The following CTNNA3 variants were observed in gnomAD, a reference collection of about 807,000 sequenced individuals.
CTNNA3 encodes catenin alpha 3, also known as catenin alpha-3.
A neutral mutation model predicts 95.7 loss-of-function variants in CTNNA3; 76 were observed. The observed-to-expected ratio is 0.79, with a 90% confidence interval of 0.66 to 0.96. The LOEUF (loss-of-function observed/expected upper bound fraction) is 0.96. Among genes scored for constraint, CTNNA3 ranks in the 40% least tolerant of loss-of-function variants. The pLI is 0.00. For missense variants in CTNNA3, 1,191 were observed against 1,089.8 expected (o/e 1.09, Z -1.31); for synonymous variants, 431 against 374.4 (o/e 1.15, Z -1.74).
chr10:66,655,904 G>A (rs542708607), intron 9 of CTNNA3, among the ~76,000 whole-genome samples: 25 of 152,190 alleles, frequency 1.6e-4, no homozygotes, highest in East Asian at 3.9e-4. Context: ...TCCATCCACC[G>A]AAATGTTGGG....
At chr10:66,062,364 T>C (rs2080219534) in intron 15 of CTNNA3, among the ~76,000 whole-genome samples, 1 of 152,120 alleles carries the variant, frequency 6.6e-6, no homozygotes, top group Admixed American at 6.6e-5. Context: ...GTACTACTAC[T>C]ACCACCAAAT....
chr10:66,343,036 G>C (rs1160078141), intron 12 of CTNNA3, among the ~76,000 whole-genome samples: 1 of 152,038 alleles, frequency 6.6e-6, no homozygotes, highest in African/African-American at 2.4e-5. Flanking sequence ...GCCTAAAGAT[G>C]CAAAACCAGT....
chr10:66,956,586 T>A (rs939175015), intron 7 of CTNNA3, among the ~76,000 whole-genome samples: 5 of 152,176 alleles, frequency 3.3e-5, no homozygotes, highest in Non-Finnish European at 5.9e-5. Context: ...AGTGAAATGT[T>A]CTCTGCAAAA....
intron 5 of CTNNA3, among the ~76,000 whole-genome samples, chr10:67,481,854 T>G (rs1040025910): frequency 6.6e-6 from 1 of 151,980 alleles, no homozygotes; most frequent in Non-Finnish European, 1.5e-5. Flanking sequence ...AATGCCTAGG[T>G]TTTCTTCTAG....
At chr10:67,588,903 T>C (rs1842715105) in intron 3 of CTNNA3, among the ~76,000 whole-genome samples, 1 of 152,046 alleles carries the variant, frequency 6.6e-6, no homozygotes, top group Non-Finnish European at 1.5e-5. Context: ...CTTTAAGAAT[T>C]AAAAGCAAAT....
intron 5 of CTNNA3, among the ~76,000 whole-genome samples, chr10:67,405,798 CA>C (rs1174958662): frequency 6.6e-6 from 1 of 152,128 alleles, no homozygotes; most frequent in Non-Finnish European, 1.5e-5. Flanking sequence ...GTCACATAAT[CA>C]GAAGTAAAAC....
chr10:67,280,192 T>C (rs1194479184), intron 5 of CTNNA3, among the ~76,000 whole-genome samples: 2 of 150,136 alleles, frequency 1.3e-5, no homozygotes, highest in East Asian at 1.9e-4. Flanking sequence ...TCTCTCAAAT[T>C]CCTTTATCTG....
intron 12 of CTNNA3, among the ~76,000 whole-genome samples, chr10:66,330,734 A>T (rs555012152): frequency 1.1e-4 from 17 of 152,112 alleles, no homozygotes; most frequent in African/African-American, 3.1e-4. Flanking sequence ...CAGCACCTGT[A>T]GTTTCCTGAC....
At chr10:67,142,018 A>G (rs1333115915) in intron 7 of CTNNA3, among the ~76,000 whole-genome samples, 2 of 152,110 alleles carry the variant, frequency 1.3e-5, no homozygotes, top group Admixed American at 1.3e-4. Context: ...GCTTGATGCA[A>G]TTTTTCCATA....
At chr10:67,005,437 A>T (rs1456075031) in intron 7 of CTNNA3, among the ~76,000 whole-genome samples, 1 of 151,972 alleles carries the variant, frequency 6.6e-6, no homozygotes, top group African/African-American at 2.4e-5. Context: ...ATTCAAAATT[A>T]TTTCTTTCTT....
At chr10:67,114,472 G>A (rs1473537217) in intron 7 of CTNNA3, among the ~76,000 whole-genome samples, 1 of 152,034 alleles carries the variant, frequency 6.6e-6, no homozygotes, top group East Asian at 1.9e-4. Context: ...ATTAAAGCTA[G>A]TCCACACAAA....
chr10:66,107,431 G>A (rs2081954584), intron 13 of CTNNA3, among the ~76,000 whole-genome samples: 1 of 152,216 alleles, frequency 6.6e-6, no homozygotes, highest in Middle Eastern at 3.4e-3. Flanking sequence ...GGGAAATACT[G>A]AATTATTAAT....
intron 7 of CTNNA3, among the ~76,000 whole-genome samples, chr10:67,090,255 G>T (rs961902896): frequency 1.3e-5 from 2 of 152,082 alleles, no homozygotes; most frequent in Admixed American, 1.3e-4. Flanking sequence ...GTAAGAAGCA[G>T]AGAACTCTGA....
intron 5 of CTNNA3, among the ~76,000 whole-genome samples, chr10:67,426,924 T>C (rs1426899967): frequency 1.3e-5 from 2 of 152,078 alleles, no homozygotes; most frequent in African/African-American, 2.4e-5. Context: ...AAATTTTCAA[T>C]GTACAGGAAG....
chr10:66,426,524 G>T (rs2093242574), intron 11 of CTNNA3, among the ~76,000 whole-genome samples: 1 of 151,970 alleles, frequency 6.6e-6, no homozygotes, highest in Non-Finnish European at 1.5e-5. Flanking sequence ...TTAAAGGATA[G>T]CTTAGCTACA....
chr10:66,415,246 G>T (rs929195713), intron 11 of CTNNA3, among the ~76,000 whole-genome samples: 9 of 151,942 alleles, frequency 5.9e-5, no homozygotes, highest in African/African-American at 1.9e-4. Context: ...ACAGTCCAGG[G>T]GCCAGGGAAT....
intron 1 of CTNNA3, among the ~76,000 whole-genome samples, chr10:67,709,772 A>G (rs1049678746): frequency 1.3e-5 from 2 of 152,052 alleles, no homozygotes; most frequent in African/African-American, 4.8e-5. Context: ...GGTAATTTTC[A>G]GTGACCCCAC....
chr10:66,043,685 C>T (rs72791496), intron 15 of CTNNA3, among the ~76,000 whole-genome samples: 13 of 152,120 alleles, frequency 8.5e-5, no homozygotes, highest in Non-Finnish European at 1.8e-4. Flanking sequence ...AACTTGACAT[C>T]TCTCAGTATT....
At chr10:66,450,664 G>A (rs1911314) in intron 11 of CTNNA3, among the ~76,000 whole-genome samples, 58,145 of 151,832 alleles carry the variant, frequency 0.38, 11,699 homozygotes, top group African/African-American at 0.5. Context: ...AACATCTCAA[G>A]GAAGAACTAG....
Sources: allele counts gnomAD v4.1 joint callset (sites outside exome capture counted in the v4.1 genomes callset), GRCh38; gene constraint gnomAD v4.1.1; transcripts MANE v1.5; gene names NCBI Gene and HGNC (gene_info 2026-07-23, HGNC 2026-07-21).